The following CEP128 variants were observed in gnomAD, a reference collection of about 807,000 sequenced individuals.
CEP128 encodes the protein centrosomal protein 128kDa.
A neutral mutation model predicts 156.7 loss-of-function variants in CEP128; 132 were observed. The ratio of observed to expected loss-of-function variants is 0.84; its 90% CI spans 0.73 to 0.97. CEP128 has a LOEUF of 0.97. CEP128 is among the 50% of genes least tolerant of loss of function. The probability of loss-of-function intolerance (pLI) is 0.00; values close to 1 mark genes in which losing one functional copy is unlikely to be tolerated. For missense variants in CEP128, 1,252 were observed against 1,281.9 expected (o/e 0.98, Z 0.36); for synonymous variants, 469 against 448.9 (o/e 1.04, Z -0.57).
intron 19 of CEP128, among the ~76,000 whole-genome samples, chr14:80,623,726 C>T (rs1015941764): frequency 1.3e-5 from 2 of 151,494 alleles, no homozygotes; most frequent in Non-Finnish European, 2.9e-5. Flanking sequence ...CTCTAATTAG[C>T]AAAAAGTGGA....
intron 13 of CEP128, among the ~76,000 whole-genome samples, chr14:80,803,211 C>T (rs1210151124): frequency 6.6e-6 from 1 of 152,042 alleles, no homozygotes; most frequent in East Asian, 1.9e-4. Flanking sequence ...ATATATGAGC[C>T]ATTCTTTGTG....
intron 23 of CEP128, among the ~76,000 whole-genome samples, chr14:80,509,195 T>C (rs539200971): frequency 9.7e-4 from 148 of 152,322 alleles, no homozygotes; most frequent in African/African-American, 3.5e-3. Context: ...ATGGTAGTTC[T>C]ATTTTTAGTT....
At chr14:80,871,269 G>C (rs768691132) in intron 8 of CEP128, among the ~76,000 whole-genome samples, 1 of 152,114 alleles carries the variant, frequency 6.6e-6, no homozygotes, top group Non-Finnish European at 1.5e-5. Context: ...GCAGTGAGAA[G>C]CACAGATAAA....
chr14:80,667,857 CAAAAAAA>C (rs3070047), intron 19 of CEP128, among the ~76,000 whole-genome samples: 1 of 90,046 alleles, frequency 1.1e-5, no homozygotes, highest in African/African-American at 3.9e-5. Flanking sequence ...GACTCCATCT[CAAAAAAA>C]AAAAAAAAAA....
At chr14:80,498,540 C>G (rs1016222400) in intron 24 of CEP128, among the ~76,000 whole-genome samples, 2 of 152,120 alleles carry the variant, frequency 1.3e-5, no homozygotes, top group East Asian at 1.9e-4. Flanking sequence ...TTCTCTGGAG[C>G]TTTTGTACTT....
chr14:80,871,055 T>C (rs888533897), intron 8 of CEP128, among the ~76,000 whole-genome samples: 1 of 148,146 alleles, frequency 6.8e-6, no homozygotes, highest in East Asian at 2.0e-4. Context: ...ATAAAAAAAA[T>C]TAAAGAAAGA....
chr14:80,767,560 G>A (rs569231216), intron 16 of CEP128, among the ~76,000 whole-genome samples: 3 of 151,974 alleles, frequency 2.0e-5, no homozygotes, highest in Non-Finnish European at 2.9e-5. Context: ...CTCTTCTCAA[G>A]AATATACAGG....
chr14:80,891,626 C>G (rs982010257), intron 8 of CEP128, among the ~76,000 whole-genome samples: 7 of 148,482 alleles, frequency 4.7e-5, no homozygotes, highest in Non-Finnish European at 6.0e-5. Context: ...TAAATAAAAC[C>G]AAGTATTTGA....
At chr14:80,627,457 A>T (rs1294630644) in intron 19 of CEP128, among the ~76,000 whole-genome samples, 1 of 152,250 alleles carries the variant, frequency 6.6e-6, no homozygotes, top group Non-Finnish European at 1.5e-5. Context: ...TATGTACAGT[A>T]CCTCATTACT....
chr14:80,757,491 T>C (rs1193013546), intron 17 of CEP128, among the ~76,000 whole-genome samples: 1 of 152,248 alleles, frequency 6.6e-6, no homozygotes, highest in Non-Finnish European at 1.5e-5. Context: ...TCATCTGCGC[T>C]AGCTGCTTTG....
intron 19 of CEP128, among the ~76,000 whole-genome samples, chr14:80,608,360 AC>A (rs1245529616): frequency 6.6e-6 from 1 of 152,226 alleles, no homozygotes; most frequent in Non-Finnish European, 1.5e-5. Context: ...GCTCAGTAAT[AC>A]ATGCTGAATA....
intron 19 of CEP128, among the ~76,000 whole-genome samples, chr14:80,639,868 GAACA>G (rs1894338844): frequency 1.3e-5 from 2 of 152,094 alleles, no homozygotes; most frequent in African/African-American, 4.8e-5. Flanking sequence ...CAAATTTGAA[GAACA>G]AACAACCAAG....
At chr14:80,617,217 A>ATT (rs1555382736) in intron 19 of CEP128, among the ~76,000 whole-genome samples, 5 of 43,134 alleles carry the variant, frequency 1.2e-4, no homozygotes, top group South Asian at 8.4e-4. Context: ...TGTGAATATC[A>ATT]TCTTTTTTTT....
chr14:80,549,811 T>G (rs865871161), intron 21 of CEP128, among the ~76,000 whole-genome samples: 1 of 152,282 alleles, frequency 6.6e-6, no homozygotes, highest in Admixed American at 6.5e-5. Context: ...GATTTGCACA[T>G]GCAGTAGGAT....
At chr14:80,853,091 A>T (rs1241959762) in intron 9 of CEP128, among the ~76,000 whole-genome samples, 1 of 151,902 alleles carries the variant, frequency 6.6e-6, no homozygotes, top group Non-Finnish European at 1.5e-5. Flanking sequence ...CATGATTTTT[A>T]AAATAAATAA....
At chr14:80,602,156 A>G (rs555571731) in intron 19 of CEP128, among the ~76,000 whole-genome samples, 2 of 152,360 alleles carry the variant, frequency 1.3e-5, no homozygotes, top group East Asian at 1.9e-4. Flanking sequence ...AATTATAAGT[A>G]TATATGCAAA....
intron 20 of CEP128, 33 bp from the exon 21 acceptor site, chr14:80,559,335 C>T (rs762747683): frequency 1.1e-5 from 17 of 1,551,930 alleles, no homozygotes; most frequent in Admixed American, 1.0e-4. Context: ...AATTATAAAA[C>T]GAAGGCTGTT....
chr14:80,798,610 A>C (rs1191202153), intron 13 of CEP128, among the ~76,000 whole-genome samples: 1 of 152,230 alleles, frequency 6.6e-6, no homozygotes, highest in Non-Finnish European at 1.5e-5. Flanking sequence ...TAGTCTAGAC[A>C]CAGTGAATTC....
intron 19 of CEP128, among the ~76,000 whole-genome samples, chr14:80,620,027 A>G (rs1346701616): frequency 6.6e-6 from 1 of 152,118 alleles, no homozygotes; most frequent in Admixed American, 6.5e-5. Flanking sequence ...CGGGAGGGTG[A>G]GGAAGAAAAA....
Sources: allele counts gnomAD v4.1 joint callset (sites outside exome capture counted in the v4.1 genomes callset), GRCh38; gene constraint gnomAD v4.1.1; transcripts MANE v1.5; gene names NCBI Gene and HGNC (gene_info 2026-07-23, HGNC 2026-07-21).